RPTOR: variants seen among roughly 807,000 people sequenced by gnomAD.
RPTOR encodes the protein regulatory-associated protein of mTOR.
In RPTOR, 21 loss-of-function variants were observed where a neutral mutation model predicts 169.9. The ratio of observed to expected loss-of-function variants is 0.12; its 90% CI spans 0.09 to 0.18. RPTOR has a LOEUF of 0.18. Ranked by LOEUF, RPTOR falls within the 10% of genes least tolerant of loss-of-function variation. RPTOR has a pLI of 1.00. For synonymous variants in RPTOR, 732 were observed against 753.2 expected, an observed-to-expected ratio of 0.97 and a Z score of 0.46; for missense variants, 1,133 against 1,855.9, an observed-to-expected ratio of 0.61 and a Z score of 7.16.
At chr17:80,821,782 A>C (rs1330869140) in intron 7 of RPTOR, among the ~76,000 whole-genome samples, 1 of 151,848 alleles carries the variant, frequency 6.6e-6, no homozygotes, top group Non-Finnish European at 1.5e-5. Flanking sequence ...TGCGGGCGAG[A>C]CTCCTCCCAG....
In RPTOR at chr17:80,961,460, C is replaced by T. The variant is rs112261045; in HGVS notation, c.3672C>T (p.Asp1224=). Residue 1224 remains aspartate (D), a synonymous_variant, in exon 31 of 34, where the codon GAC becomes GAT. Transcript: ENST00000306801. ...VVKASLQKRP[D]GHIVSVSVNG... The stretch of plus-strand genomic sequence containing the variant: ...AGGCCTCCCTGCAGAAGCGTCCCGA[C>T]GGCCACATCGTGAGTGTGAGGTGAG... 5.5e-5 allele frequency: 85 copies of T among 1,550,934 alleles called. No homozygotes were observed. Among genetic ancestry groups the T allele is most frequent in the Admixed American group, 1.6e-4 (8 of 51,244 alleles).
chr17:80,716,012 G>T (rs1198338366), intron 4 of RPTOR, among the ~76,000 whole-genome samples: 2 of 152,166 alleles, frequency 1.3e-5, no homozygotes, highest in Non-Finnish European at 2.9e-5. Flanking sequence ...ATTGCGAATT[G>T]TGCTGCTATA....
At chr17:80,766,577 A>G (rs1409022541) in intron 6 of RPTOR, among the ~76,000 whole-genome samples, 1 of 152,212 alleles carries the variant, frequency 6.6e-6, no homozygotes, top group Non-Finnish European at 1.5e-5. Flanking sequence ...AATAAGTAAC[A>G]TACCTGTTTA....
At position 80,891,734 on chromosome 17, in the gene RPTOR, T is replaced by C. The variant is rs1441055674; in HGVS notation, c.1998T>C (p.Ala666=). ...CCTCTCGGCAGGAGCTGGTGGTGGCTCTGAGTCATCTTGTGGTTCAGTATG... is the reference window on the plus strand; with the variant it reads ...CCTCTCGGCAGGAGCTGGTGGTGGCCCTGAGTCATCTTGTGGTTCAGTATG... ...SPMVRKELVV[A]LSHLVVQYES... The change falls in exon 18 of 34, where the codon GCT becomes GCC. Residue 666 remains alanine, a synonymous_variant. Coordinates refer to ENST00000306801, the MANE Select transcript of RPTOR (RefSeq NM_020761.3). The C allele has an allele frequency of 6.2e-7, 1 of 1,613,446 alleles. No homozygotes were observed. The highest frequency in any genetic ancestry group is 8.5e-7 in the Non-Finnish European group (1 of 1,179,410).
intron 5 of RPTOR, chr17:80,743,349 G>A (rs1169242042): frequency 1.0e-6 from 1 of 985,494 alleles, no homozygotes; most frequent in Non-Finnish European, 1.2e-6. Flanking sequence ...CAGAGAAGAA[G>A]CCACAAGGAC....
intron 1 of RPTOR, among the ~76,000 whole-genome samples, chr17:80,597,719 G>A (rs2065154261): frequency 6.6e-6 from 1 of 151,980 alleles, no homozygotes; most frequent in Non-Finnish European, 1.5e-5. Context: ...TCACTATGTT[G>A]CCCAAGCTGG....
At chr17:80,893,978 C>A in intron 20 of RPTOR, 113 bp downstream of exon 20, 1 of 1,134,986 alleles carries the variant, frequency 8.8e-7, no homozygotes, top group Non-Finnish European at 1.2e-6. Flanking sequence ...ACTGTCTGTT[C>A]AAAAGAAAGA....
intron 7 of RPTOR, chr17:80,801,944 T>G (rs1046683082): frequency 2.6e-5 from 4 of 152,172 alleles, no homozygotes; most frequent in Non-Finnish European, 5.9e-5. Context: ...GGGGTCCTTA[T>G]GCCCGGGCGC....
intron 3 of RPTOR, among the ~76,000 whole-genome samples, chr17:80,685,173 T>C: frequency 6.6e-6 from 1 of 151,948 alleles, no homozygotes; most frequent in African/African-American, 2.4e-5. Context: ...TCGCACCTCA[T>C]TCGGAGTCAC....
intron 3 of RPTOR, among the ~76,000 whole-genome samples, chr17:80,662,224 C>T (rs1032564967): frequency 6.6e-6 from 1 of 152,218 alleles, no homozygotes; most frequent in Admixed American, 6.5e-5. Context: ...AGGCCAGCCG[C>T]CTTCTGCCTC....
chr17:80,589,777 G>A (rs1337658476), intron 1 of RPTOR, among the ~76,000 whole-genome samples: 1 of 152,056 alleles, frequency 6.6e-6, no homozygotes, highest in African/African-American at 2.4e-5. Flanking sequence ...TTTGTATCCA[G>A]CAACCTTACA....
intron 20 of RPTOR, among the ~76,000 whole-genome samples, chr17:80,897,681 AC>A (rs1406678685): frequency 6.6e-6 from 1 of 152,158 alleles, no homozygotes; most frequent in African/African-American, 2.4e-5. Context: ...TTGGGCTGTG[AC>A]TTTTCTTGTC....
Position 80,922,744 on chromosome 17 carries a change from G to A in RPTOR, c.2541G>A (p.Pro847=), listed in dbSNP as rs374809534. ...CCTAGGCCACCGTGAACGCCCGGCCGCAGCGCGTCCTGGACACCTCCTCCC... is the reference window on the plus strand; with the variant it reads ...CCTAGGCCACCGTGAACGCCCGGCCACAGCGCGTCCTGGACACCTCCTCCC... ...IAYKATVNAR[P]QRVLDTSSLT... is the part of the protein sequence containing the mutation. Residue 847 remains proline (P), a synonymous_variant, in exon 22 of 34, where the codon CCG becomes CCA. Transcript: ENST00000306801. 1.1e-4 allele frequency: 174 copies of A among 1,587,936 alleles called. No homozygotes were observed. Among genetic ancestry groups the A allele is most frequent in the Admixed American group, 9.5e-4 (55 of 57,940 alleles).
At chr17:80,704,357 T>C (rs1297959869) in intron 3 of RPTOR, among the ~76,000 whole-genome samples, 1 of 152,156 alleles carries the variant, frequency 6.6e-6, no homozygotes, top group Non-Finnish European at 1.5e-5. Context: ...TTTAGAACAT[T>C]AAGACTCAGT....
chr17:80,902,537 C>T (rs141665281), intron 20 of RPTOR, among the ~76,000 whole-genome samples: 563 of 152,376 alleles, frequency 3.7e-3, no homozygotes, highest in Non-Finnish European at 6.6e-3. Context: ...TTGTTTCTTG[C>T]TAACGCATGG....
chr17:80,732,917 CAT>C (rs1391429090), intron 5 of RPTOR, among the ~76,000 whole-genome samples: 4 of 152,108 alleles, frequency 2.6e-5, no homozygotes, highest in Non-Finnish European at 5.9e-5. Flanking sequence ...TATTGTATAA[CAT>C]GTGAGCTGAA....
intron 6 of RPTOR, among the ~76,000 whole-genome samples, chr17:80,772,346 C>A (rs7216268): frequency 0.27 from 41,277 of 151,762 alleles, 5,754 homozygotes; most frequent in African/African-American, 0.33. Context: ...CTTAGACCTC[C>A]CTGTCACTTG....
chr17:80,838,075 A>T, intron 10 of RPTOR, 78 bp downstream of exon 10: 2 of 1,251,514 alleles, frequency 1.6e-6, no homozygotes, highest in Non-Finnish European at 2.3e-6. Context: ...AAGCCCCCAG[A>T]CTGGGGGTGG....
At chr17:80,961,678 G>T (rs866773151) in intron 31 of RPTOR, 198 bp downstream of exon 31, 16 of 618,404 alleles carry the variant, frequency 2.6e-5, no homozygotes, top group Middle Eastern at 4.5e-4. Context: ...CCCTGCTGGG[G>T]GACACCTGAC....
Sources: allele counts gnomAD v4.1 joint callset (sites outside exome capture counted in the v4.1 genomes callset), GRCh38; gene constraint gnomAD v4.1.1; transcripts MANE v1.5; gene names NCBI Gene and HGNC (gene_info 2026-07-23, HGNC 2026-07-21).